DDX11: variants seen among roughly 807,000 people sequenced by gnomAD.
DDX11 encodes the protein ATP-dependent DNA helicase DDX11.
Under a neutral mutation model 125.2 loss-of-function variants are expected in DDX11, and 72 were observed. The ratio of observed to expected loss-of-function variants is 0.58; its 90% CI spans 0.48 to 0.70. The LOEUF is 0.70. Ranked by LOEUF, DDX11 falls within the 30% of genes least tolerant of loss-of-function variation. The pLI is 0.00. For synonymous variants in DDX11, 347 were observed against 452.6 expected (o/e 0.77, Z 2.96); for missense variants, 883 against 1,165.0 (o/e 0.76, Z 3.52).
chr12:31,086,192 C>T (rs1943113298), intron 5 of DDX11: 3 of 447,900 alleles, frequency 6.7e-6, no homozygotes, highest in East Asian at 7.0e-5. Context: ...ATGTCTTCCT[C>T]TCCTTTAAGG....
In DDX11 at chr12:31,096,458, T is replaced by A. The variant is rs1232928231; in HGVS notation, c.1521+79T>A. On this transcript the variant is annotated intron_variant, in intron 15 of 26. Coordinates refer to ENST00000542838, the MANE Select transcript of DDX11 (RefSeq NM_030653.4). ...CTGCCCTTGCCATGCTTTCCTCCCC[T>A]GCCCTCAGGGAACTCCAGAGTCCCC... 3 of 1,613,050 alleles carry A rather than the reference T, an allele frequency of 1.9e-6. No individual in the cohort carries two copies. In the African/African-American group the frequency reaches 4.0e-5, roughly 22 times the overall value.
intron 12 of DDX11, 36 bp from the exon 13 acceptor site, chr12:31,094,554 A>AT: frequency 6.4e-7 from 1 of 1,563,340 alleles, no homozygotes. Context: ...GGTCCTGAGA[A>AT]CCAGCATTGT....
At chr12:31,091,467 G>C in intron 9 of DDX11, 1 of 508,878 alleles carries the variant, frequency 2.0e-6, no homozygotes, top group Non-Finnish European at 3.6e-6. Context: ...GGCTAAGCAG[G>C]GGTTCCCTTC....
chr12:31,096,413 C>G, intron 15 of DDX11, 34 bp downstream of exon 15: 1 of 1,612,982 alleles, frequency 6.2e-7, no homozygotes, highest in Non-Finnish European at 8.5e-7. Flanking sequence ...CTGAACAAGA[C>G]CCAGCTGTGC....
intron 17 of DDX11, among the ~76,000 whole-genome samples, 196 bp from the exon 18 acceptor site, chr12:31,097,679 CAAAAAAAAAA>C (rs10676316): frequency 3.2e-5 from 3 of 93,188 alleles, no homozygotes; most frequent in African/African-American, 1.3e-4. Flanking sequence ...GACTCCATCT[CAAAAAAAAAA>C]AAAAAAAAGG....
Position 31,102,916 on chromosome 12 carries a change from C to T in DDX11, c.2373-20C>T, listed in dbSNP as rs372628757. 1 of 1,613,390 alleles carries T rather than the reference C, an allele frequency of 6.2e-7. No individual in the cohort carries two copies. Among genetic ancestry groups the T allele is most frequent in the Non-Finnish European group, 8.5e-7 (1 of 1,179,404 alleles). On this transcript the variant is annotated intron_variant, in intron 23 of 26. Coordinates refer to ENST00000542838, the MANE Select transcript of DDX11 (RefSeq NM_030653.4). ...GAGGTCCTGACGTCCACCTGCTGGG[C>T]TCTTGTCTCCCCCGCCCAGGTGTGT...
Position 31,096,723 on chromosome 12 carries a change from C to G in DDX11, c.1608C>G (p.Ser536Arg). The change falls in exon 16 of 27, where the codon AGC (serine) becomes AGG (arginine). Residue 536 changes from serine to arginine, a missense_variant. This residue lies in a region of DDX11 where 241 missense variants were observed against 279.7 expected (regional missense o/e 0.86). Transcript: ENST00000542838. Reference sequence around the variant, plus strand: ...CTGGGTTTCAGCAATTCCTGCAGAGCCTGCAGCCCAGGACGACTGAAGGTG... The same window carrying G: ...CTGGGTTTCAGCAATTCCTGCAGAGGCTGCAGCCCAGGACGACTGAAGGTG... ...KLAGFQQFLQ[S>R]LQPRTTEALA... The G allele has an allele frequency of 2.5e-6, 4 of 1,614,180 alleles. No individual in the cohort carries two copies. Among genetic ancestry groups the G allele is most frequent in the African/African-American group, 1.3e-5 (1 of 75,038 alleles).
chr12:31,101,354 A>G (rs1035950956), intron 20 of DDX11: 82 of 595,606 alleles, frequency 1.4e-4, no homozygotes, highest in Non-Finnish European at 1.4e-4. Flanking sequence ...ATATGTATTC[A>G]TAAAACCTCC....
chr12:31,103,189 A>G, intron 24 of DDX11, 128 bp from the exon 25 acceptor site: 1 of 1,413,046 alleles, frequency 7.1e-7, no homozygotes, highest in South Asian at 1.2e-5. Flanking sequence ...CTGTGATGTC[A>G]CCTGGACCCC....
At chr12:31,100,759 C>G (rs528598312) in intron 19 of DDX11, 52 bp downstream of exon 19, 3 of 1,545,524 alleles carry the variant, frequency 1.9e-6, no homozygotes, top group Admixed American at 3.9e-5. Flanking sequence ...TTCTGGCCCC[C>G]GTTTTCTGTG....
chr12:31,097,929 G>T lies in DDX11; in HGVS notation c.1807G>T (p.Ala603Ser), dbSNP rs1046695756. The change falls in exon 18 of 27, where the codon GCT becomes TCT. Residue 603 changes from alanine to serine, a missense_variant. By Grantham distance (99) the Ala-to-Ser change is moderately conservative (BLOSUM62 1). This residue lies in a region of DDX11 where 241 missense variants were observed against 279.7 expected (regional missense o/e 0.86). Transcript: ENST00000542838. ...STLKFLLLNPAVHFAQVVKEC... is the reference protein window; with the variant it reads ...STLKFLLLNPSVHFAQVVKEC... ...CCTGAAGTTTTTGCTCCTGAATCCAGCTGTGCACTTTGCCCAAGTGGTGAA... is the reference window on the plus strand; with the variant it reads ...CCTGAAGTTTTTGCTCCTGAATCCATCTGTGCACTTTGCCCAAGTGGTGAA... 2.1e-5 allele frequency: 34 copies of T among 1,613,690 alleles called. No individual in the cohort carries two copies. Among genetic ancestry groups the T allele is most frequent in the Non-Finnish European group, 2.8e-5 (33 of 1,179,856 alleles).
rs1944323488 is a variant in DDX11 at position 31,091,967 on chromosome 12, G to A, written c.1242+96G>A. 10 of 1,563,450 alleles carry A rather than the reference G, an allele frequency of 6.4e-6. No homozygotes were observed. The Admixed American group carries it at 6.8e-5, about 11-fold the overall frequency. ...ACCTGGGCCAAGAGTTCCTCCGGAG[G>A]TGGGGCTTGATAGAGGGTGCACGAG... On this transcript the variant is annotated intron_variant, in intron 10 of 26. Coordinates refer to ENST00000542838, the MANE Select transcript of DDX11 (RefSeq NM_030653.4).
chr12:31,082,239 T>G (rs1942087778), intron 2 of DDX11, among the ~76,000 whole-genome samples: 1 of 150,600 alleles, frequency 6.6e-6, no homozygotes, highest in Non-Finnish European at 1.5e-5. Flanking sequence ...TACTTAATGA[T>G]AGCAAAAAGT....
At chr12:31,101,614 T>C in intron 20 of DDX11, 1 of 604,684 alleles carries the variant, frequency 1.7e-6, no homozygotes. Flanking sequence ...GTGACATGTG[T>C]CAGAAAGGCG....
Position 31,098,003 on chromosome 12 carries a change from G to T in DDX11, c.1875+6G>T. ...CGGGGGGTACCATGCAGCCGGTAAG[G>T]ACACCTTTCCCAGCCCCTCGTGCCC... is the stretch of plus-strand genomic sequence containing the variant. On this transcript the variant is annotated splice_donor_region_variant and intron_variant, in intron 18 of 26. Transcript: ENST00000542838. 2 of 1,612,116 alleles carry T rather than the reference G, an allele frequency of 1.2e-6. No individual in the cohort carries two copies. The highest frequency in any genetic ancestry group is 1.1e-5 in the South Asian group (1 of 91,046).
At position 31,077,605 on chromosome 12, in the gene DDX11, C is replaced by T. The variant is rs556312195; in HGVS notation, c.-4-785C>T. Among the ~76,000 whole-genome samples the T allele has an allele frequency of 1.8e-3, 274 of 151,904 alleles. 1 individual carries two copies. The highest frequency in any genetic ancestry group is 3.1e-3 in the Non-Finnish European group (214 of 67,972). ...GCTCACGCCTGTAATCCCAGCACTT[C>T]GGGAGGCCAAGGCGGGCGGATCACG... On this transcript the variant is annotated intron_variant, in intron 1 of 26. Transcript: ENST00000542838.
intron 2 of DDX11, among the ~76,000 whole-genome samples, chr12:31,081,518 C>G (rs1247081634): frequency 2.0e-5 from 3 of 151,556 alleles, no homozygotes. Flanking sequence ...TACTGCAGTT[C>G]CGGGAGTCAT....
At position 31,104,718 on chromosome 12, in the gene DDX11, A is replaced by G. The variant is rs886592789; in HGVS notation, c.*882A>G. On this transcript the variant is annotated 3_prime_UTR_variant, in exon 27 of 27. Coordinates refer to ENST00000542838, the MANE Select transcript of DDX11 (RefSeq NM_030653.4). The stretch of plus-strand genomic sequence containing the variant: ...ACCATCAGGGACAAACGGGGGCAGG[A>G]GGAAAGTCACTGATGCCCAGATGTT... 6.5e-6 allele frequency: 1 copy of G among 153,714 alleles called. No homozygotes were observed. Among genetic ancestry groups the G allele is most frequent in the African/African-American group, 2.4e-5 (1 of 41,478 alleles). The allele number at this position is 153,714 out of a possible 1,614,324, so 9.5% of individuals were successfully genotyped here. A position where few individuals can be genotyped will look rare whatever the true frequency, so the allele number is the denominator to read the frequency against.
chr12:31,079,015 G>T (rs929209925), intron 2 of DDX11, among the ~76,000 whole-genome samples: 31 of 152,128 alleles, frequency 2.0e-4, no homozygotes, highest in African/African-American at 6.5e-4. Context: ...TCTGTGGTCT[G>T]AGAAAAATTA....
Sources: gnomAD v4.1 joint callset for allele counts (sites outside exome capture counted in the v4.1 genomes callset) on GRCh38, gnomAD v4.1.1 for gene constraint, gnomAD v4.1.1 regional missense constraint, MANE v1.5 for transcripts, NCBI Gene and HGNC (gene_info 2026-07-23, HGNC 2026-07-21) for gene names.